The following FBXO27 variants were observed in gnomAD, a reference collection of about 807,000 sequenced individuals.
The protein encoded by FBXO27 is F-box protein 27.
In FBXO27, 28 loss-of-function variants were observed where a neutral mutation model predicts 28.3. The ratio of observed to expected loss-of-function variants is 0.99; its 90% CI spans 0.73 to 1.36. FBXO27 has a LOEUF of 1.36. Among genes scored for constraint, FBXO27 ranks in the 40% most tolerant of loss-of-function variants. The probability of loss-of-function intolerance (pLI) is 0.00; values close to 1 mark genes in which losing one functional copy is unlikely to be tolerated. For missense variants in FBXO27, 388 were observed against 394.1 expected, an observed-to-expected ratio of 0.98 and a Z score of 0.13; for synonymous variants, 175 against 167.3, an observed-to-expected ratio of 1.05 and a Z score of -0.36.
intron 1 of FBXO27, among the ~76,000 whole-genome samples, chr19:39,015,099 T>G (rs1234869144): frequency 6.6e-6 from 1 of 151,286 alleles, no homozygotes; most frequent in East Asian, 1.9e-4. Flanking sequence ...GTGGATTGCT[T>G]GAGTCCAGGA....
chr19:39,031,869 C>A lies in FBXO27; in HGVS notation c.359G>T (p.Gly120Val). 2 of 1,481,190 alleles carry A rather than the reference C, an allele frequency of 1.4e-6. No individual in the cohort carries two copies. The allele number at this position is 1,481,190 out of a possible 1,614,324, so 91.8% of individuals were successfully genotyped here. Residue 120 changes from glycine to valine, a missense_variant, in exon 2 of 6, where the codon GGC becomes GTC. Physicochemically the swap from Gly to Val is moderately radical, Grantham distance 109. Transcript: ENST00000292853. Reference sequence around the variant, plus strand: ...TTCCTCTTCCGAGATCCCACCTTGGCCGCAGGGGTTGCGAATAAGGTTGCG... The same window carrying A: ...TTCCTCTTCCGAGATCCCACCTTGGACGCAGGGGTTGCGAATAAGGTTGCG... The part of the protein sequence containing the change: ...IGRNLIRNPC[G>V]QEGLRKWMVQ...
intron 2 of FBXO27, 28 bp from the exon 3 acceptor site, chr19:39,031,348 A>T: frequency 6.2e-7 from 1 of 1,609,632 alleles, no homozygotes; most frequent in Non-Finnish European, 8.5e-7. Context: ...CTTGTGCCCA[A>T]GTTCCAGTCG....
At chr19:39,017,077 C>A (rs1434113284) in intron 1 of FBXO27, among the ~76,000 whole-genome samples, 1 of 152,014 alleles carries the variant, frequency 6.6e-6, no homozygotes, top group Non-Finnish European at 1.5e-5. Context: ...AGTGTGAGAT[C>A]CTGCCTCAAC....
chr19:39,025,613 G>C, intron 5 of FBXO27, 59 bp from the exon 6 acceptor site: 4 of 1,540,502 alleles, frequency 2.6e-6, no homozygotes, highest in Non-Finnish European at 3.5e-6. Context: ...CAAAGCTGAG[G>C]TTAGGGCCTT....
chr19:39,014,112 C>A (rs1232282354), intron 2 of FBXO27, among the ~76,000 whole-genome samples: 1 of 152,218 alleles, frequency 6.6e-6, no homozygotes, highest in East Asian at 1.9e-4. Context: ...ACGGAGGGTG[C>A]CCTAAGTCTG....
chr19:39,018,677 A>G (rs1301075143), intron 1 of FBXO27, among the ~76,000 whole-genome samples: 2 of 152,178 alleles, frequency 1.3e-5, no homozygotes, highest in African/African-American at 4.8e-5. Context: ...ATTGAGGAGC[A>G]TTGTAAAAAA....
At chr19:39,031,414 G>A (rs1419140919) in intron 2 of FBXO27, 94 bp from the exon 3 acceptor site, 5 of 1,138,314 alleles carry the variant, frequency 4.4e-6, no homozygotes, top group Admixed American at 2.1e-5. Context: ...CGTGCTCACA[G>A]TGCAGCTCAC....
At chr19:39,011,276 C>T (rs376662856) in intron 2 of FBXO27, among the ~76,000 whole-genome samples, 6 of 152,046 alleles carry the variant, frequency 3.9e-5, no homozygotes, top group South Asian at 2.1e-4. Context: ...ACTAAAAATA[C>T]AAAACATTAG....
intron 1 of FBXO27, among the ~76,000 whole-genome samples, chr19:39,017,808 G>C (rs1463817526): frequency 6.6e-6 from 1 of 152,006 alleles, no homozygotes; most frequent in African/African-American, 2.4e-5. Context: ...TAGAAGGCAG[G>C]GTTGCTGCAA....
chr19:39,031,477 G>A (rs1216478206), intron 2 of FBXO27, 157 bp from the exon 3 acceptor site: 1 of 605,350 alleles, frequency 1.7e-6, no homozygotes, highest in African/African-American at 2.3e-5. Flanking sequence ...CACCAGCTCA[G>A]GGCAAAGCCC....
rs568874703 is a variant in FBXO27 at position 39,032,152 on chromosome 19, G to A, written c.76C>T (p.Leu26=). The change falls in exon 2 of 6, where the codon CTG becomes TTG. Residue 26 remains leucine (L), a synonymous_variant. Transcript: ENST00000292853. This position sits in a 1 kb window ranked among gnomAD's most constrained non-coding sequence, Gnocchi z 4.7. ...PEPEPEEALD[L]SQLPPELLLV... ...AGCAGCTCTGGGGGTAGTTGGCTCAGGTCCAGCGCCTCTTCGGGTTCCGGC... is the reference window on the plus strand; with the variant it reads ...AGCAGCTCTGGGGGTAGTTGGCTCAAGTCCAGCGCCTCTTCGGGTTCCGGC... 2 of 1,540,326 alleles carry A rather than the reference G, an allele frequency of 1.3e-6. No homozygotes were observed. Among genetic ancestry groups the A allele is most frequent in the Non-Finnish European group, 1.7e-6 (2 of 1,149,252 alleles).
At chr19:39,029,499 T>C (rs1391622327) in intron 4 of FBXO27, among the ~76,000 whole-genome samples, 1 of 151,174 alleles carries the variant, frequency 6.6e-6, no homozygotes, top group Non-Finnish European at 1.5e-5. Flanking sequence ...GGCTCCCCAG[T>C]AGTCCTTACA....
downstream of FBXO27, chr19:39,023,954 C>T (rs990172767): frequency 1.2e-4 from 18 of 152,180 alleles, no homozygotes; most frequent in African/African-American, 3.9e-4. Context: ...CCCTCCTCAA[C>T]TGGGACTACT....
rs1404979921 is a variant in FBXO27, at chr19:39,032,050, G to C, written c.178C>G (p.Leu60Val). 1 of 1,529,740 alleles carries C rather than the reference G, an allele frequency of 6.5e-7. No individual in the cohort carries two copies. Among genetic ancestry groups the C allele is most frequent in the African/African-American group, 1.4e-5 (1 of 69,562 alleles). 94.8% of individuals were successfully genotyped at this position (1,529,740 alleles called of 1,614,324 possible). ...AGCCACAGGGCCTGGCCGTCCACCA[G>C]GGCTCGCCAGCCCCGGCACACTTGG... ...CRQVCRGWRA[L>V]VDGQALWLLI... The change falls in exon 2 of 6, where the codon CTG becomes GTG. Residue 60 changes from leucine to valine, a missense_variant. Leu to Val is a conservative substitution (Grantham distance 32). Transcript: ENST00000292853. This position sits in a 1 kb window ranked among gnomAD's most constrained non-coding sequence, Gnocchi z 4.7.
intron 5 of FBXO27, among the ~76,000 whole-genome samples, chr19:39,025,949 C>T (rs1358826246): frequency 6.6e-6 from 1 of 151,724 alleles, no homozygotes; most frequent in Non-Finnish European, 1.5e-5. Context: ...ACCTGGCAGG[C>T]GAAGGTTGCA....
At chr19:39,014,138 C>T (rs538076981) in intron 2 of FBXO27, among the ~76,000 whole-genome samples, 179 of 152,302 alleles carry the variant, frequency 1.2e-3, no homozygotes, top group African/African-American at 3.9e-3. Flanking sequence ...GTCTCATAGT[C>T]GAAGTGCTGT....
At chr19:39,018,549 G>A (rs1046559728) in intron 1 of FBXO27, among the ~76,000 whole-genome samples, 1 of 152,086 alleles carries the variant, frequency 6.6e-6, no homozygotes, top group East Asian at 1.9e-4. Context: ...TGATGAAACT[G>A]ACAGTGCTCC....
intron 1 of FBXO27, among the ~76,000 whole-genome samples, chr19:39,018,496 C>G (rs12985447): frequency 6.6e-6 from 1 of 151,808 alleles, no homozygotes; most frequent in Non-Finnish European, 1.5e-5. Context: ...AGTGCAATAT[C>G]GTAAACCCTG....
At chr19:39,007,312 T>C (rs1975743111) in intron 2 of FBXO27, among the ~76,000 whole-genome samples, 1 of 152,162 alleles carries the variant, frequency 6.6e-6, no homozygotes, top group African/African-American at 2.4e-5. Context: ...GGGTTTTGCA[T>C]GTCCATGACA....
Sources: allele counts gnomAD v4.1 joint callset (sites outside exome capture counted in the v4.1 genomes callset), GRCh38; gene constraint gnomAD v4.1.1; non-coding constraint Gnocchi (gnomAD v3.1); transcripts MANE v1.5; gene names NCBI Gene and HGNC (gene_info 2026-07-23, HGNC 2026-07-21).